SEPTIN11: variants seen among roughly 807,000 people sequenced by gnomAD.
SEPTIN11 encodes the protein septin 11, also known as septin-11.
Under a neutral mutation model 51.4 loss-of-function variants are expected in SEPTIN11, and 25 were observed. The ratio of observed to expected loss-of-function variants is 0.49; its 90% CI spans 0.35 to 0.68. The LOEUF (loss-of-function observed/expected upper bound fraction) is 0.68, where lower values mean the gene tolerates loss of function less well. SEPTIN11 is among the 30% of genes least tolerant of loss of function. The pLI is 0.00. For missense variants in SEPTIN11, 381 were observed against 520.8 expected, an observed-to-expected ratio of 0.73 and a Z score of 2.61; for synonymous variants, 174 against 184.1, an observed-to-expected ratio of 0.95 and a Z score of 0.44.
At chr4:77,030,106 A>T (rs1308516357) in intron 8 of SEPTIN11, among the ~76,000 whole-genome samples, 1 of 152,140 alleles carries the variant, frequency 6.6e-6, no homozygotes, top group Admixed American at 6.5e-5. Flanking sequence ...AGATACAAAA[A>T]TTAGCTGGGT....
intron 1 of SEPTIN11, among the ~76,000 whole-genome samples, chr4:76,971,063 A>G (rs887795035): frequency 2.0e-5 from 3 of 152,230 alleles, no homozygotes. Flanking sequence ...AAGTTTATAT[A>G]TGATATCTGT....
At chr4:76,985,828 T>C (rs1722997960) in intron 1 of SEPTIN11, among the ~76,000 whole-genome samples, 1 of 152,202 alleles carries the variant, frequency 6.6e-6, no homozygotes, top group African/African-American at 2.4e-5. Context: ...TTGGAGAGTA[T>C]GACTTCTGTT....
chr4:76,968,585 G>A (rs1204142207), intron 1 of SEPTIN11, among the ~76,000 whole-genome samples: 1 of 152,132 alleles, frequency 6.6e-6, no homozygotes, highest in Non-Finnish European at 1.5e-5. Context: ...CTAATTATTG[G>A]AACATTTTTA....
At chr4:77,013,447 A>C (rs912873721) in intron 4 of SEPTIN11, among the ~76,000 whole-genome samples, 4 of 152,240 alleles carry the variant, frequency 2.6e-5, no homozygotes, top group Non-Finnish European at 5.9e-5. Flanking sequence ...TGATTTCTCT[A>C]TCTCCTCTGA....
chr4:77,033,921 G>C (rs1481012038), intron 9 of SEPTIN11, among the ~76,000 whole-genome samples: 1 of 152,146 alleles, frequency 6.6e-6, no homozygotes, highest in Admixed American at 6.5e-5. Context: ...ACCTAAAAGA[G>C]GGGGAAAGCT....
At chr4:77,010,473 A>T (rs1420851619) in intron 3 of SEPTIN11, among the ~76,000 whole-genome samples, 9 of 146,928 alleles carry the variant, frequency 6.1e-5, no homozygotes, top group Middle Eastern at 3.5e-3. Flanking sequence ...TTTTTTTTTT[A>T]AAGCCTCTAG....
At chr4:76,995,745 G>A (rs1723668418) in intron 1 of SEPTIN11, 1 of 1,436,070 alleles carries the variant, frequency 7.0e-7, no homozygotes, top group African/African-American at 1.4e-5. Flanking sequence ...CATATCCTAT[G>A]TGATTTTAAA....
chr4:76,998,106 G>A (rs1023939183), intron 2 of SEPTIN11, among the ~76,000 whole-genome samples: 9 of 152,228 alleles, frequency 5.9e-5, no homozygotes, highest in Admixed American at 2.6e-4. Context: ...ATGCTGCCCT[G>A]TTAGATGTGT....
chr4:77,021,335 G>A (rs1193673355), intron 7 of SEPTIN11: 4 of 152,458 alleles, frequency 2.6e-5, no homozygotes, highest in African/African-American at 9.6e-5. Flanking sequence ...GGGCTGGCAA[G>A]GCTGGGGTGC....
At chr4:77,020,091 C>T (rs571762431) in intron 6 of SEPTIN11, among the ~76,000 whole-genome samples, 15 of 152,328 alleles carry the variant, frequency 9.8e-5, no homozygotes, top group African/African-American at 2.9e-4. Flanking sequence ...GGTACAAATA[C>T]ATCTGGCTTT....
intron 1 of SEPTIN11, chr4:76,958,916 AC>A (rs2109883172): frequency 1.4e-6 from 2 of 1,419,084 alleles, no homozygotes; most frequent in Non-Finnish European, 2.0e-6. Context: ...AAATTCACCC[AC>A]CTTTTGTCCC....
intron 6 of SEPTIN11, among the ~76,000 whole-genome samples, 198 bp from the exon 7 acceptor site, chr4:77,020,304 A>G (rs1447283303): frequency 6.6e-6 from 1 of 152,192 alleles, no homozygotes; most frequent in Non-Finnish European, 1.5e-5. Context: ...CAGCGTTGTC[A>G]TCAGTATTAT....
At chr4:76,992,098 A>G (rs988698646) in intron 1 of SEPTIN11, among the ~76,000 whole-genome samples, 1 of 152,226 alleles carries the variant, frequency 6.6e-6, no homozygotes, top group Admixed American at 6.5e-5. Flanking sequence ...ATAGTTACTT[A>G]CTTAGTGGTT....
At chr4:76,960,075 C>G (rs887504926) in intron 1 of SEPTIN11, among the ~76,000 whole-genome samples, 1 of 152,122 alleles carries the variant, frequency 6.6e-6, no homozygotes, top group African/African-American at 2.4e-5. Flanking sequence ...CACTGCACTT[C>G]GTGTAAGCCA....
Position 77,037,108 on chromosome 4 carries a change from T to A in SEPTIN11, c.*2596T>A. The A allele has an allele frequency of 2.9e-6, 3 of 1,039,216 alleles. No individual in the cohort carries two copies. In the South Asian group the frequency reaches 1.2e-4, roughly 42 times the overall value. 64.4% of individuals were successfully genotyped at this position (1,039,216 alleles called of 1,614,324 possible). A position where few individuals can be genotyped will look rare whatever the true frequency, so the allele number is the denominator to read the frequency against. ...CAGGTGTGGTGGCTCATGCCTGTAA[T>A]CCCAGCACTTTGAGAGGCCGAGGTG... On this transcript the variant is annotated 3_prime_UTR_variant, in exon 10 of 10. Coordinates refer to ENST00000264893, the MANE Select transcript of SEPTIN11 (RefSeq NM_018243.4).
chr4:76,990,162 G>A (rs1723286576), intron 1 of SEPTIN11, among the ~76,000 whole-genome samples: 1 of 152,054 alleles, frequency 6.6e-6, no homozygotes, highest in African/African-American at 2.4e-5. Flanking sequence ...TCCTCCCCGC[G>A]ATTGGCTACT....
chr4:76,998,602 A>C (rs1723900706), intron 2 of SEPTIN11, among the ~76,000 whole-genome samples: 3 of 152,164 alleles, frequency 2.0e-5, no homozygotes, highest in African/African-American at 7.2e-5. Flanking sequence ...AACCCAGTTA[A>C]GACTCTCCCC....
intron 1 of SEPTIN11, among the ~76,000 whole-genome samples, chr4:76,962,666 T>C (rs1466244594): frequency 2.0e-5 from 3 of 152,242 alleles, no homozygotes; most frequent in Non-Finnish European, 4.4e-5. Context: ...GCTTTAGAGA[T>C]AAAAGGACAT....
At chr4:76,956,537 C>T (rs917809424) in intron 1 of SEPTIN11, among the ~76,000 whole-genome samples, 1 of 152,236 alleles carries the variant, frequency 6.6e-6, no homozygotes, top group East Asian at 1.9e-4. Flanking sequence ...CGGAGGTCTG[C>T]TGCATACTGC....
Sources: allele counts gnomAD v4.1 joint callset (sites outside exome capture counted in the v4.1 genomes callset), GRCh38; gene constraint gnomAD v4.1.1; transcripts MANE v1.5; gene names NCBI Gene and HGNC (gene_info 2026-07-23, HGNC 2026-07-21).